The following MBOAT1 variants were observed in gnomAD, a reference collection of about 807,000 sequenced individuals.
MBOAT1 encodes membrane bound glycerophospholipid O-acyltransferase 1, also known as membrane-bound glycerophospholipid O-acyltransferase 1.
Under a neutral mutation model 64.4 loss-of-function variants are expected in MBOAT1, and 67 were observed. That is an observed-to-expected ratio of 1.04 (90% CI 0.85 to 1.27). The LOEUF (loss-of-function observed/expected upper bound fraction) is 1.27, where lower values mean the gene tolerates loss of function less well. Ranked by LOEUF, MBOAT1 falls within the 50% of genes most tolerant of loss-of-function variation. The pLI is 0.00. For missense variants in MBOAT1, 563 were observed against 604.6 expected, an observed-to-expected ratio of 0.93 and a Z score of 0.72; for synonymous variants, 229 against 218.9, an observed-to-expected ratio of 1.05 and a Z score of -0.41.
At chr6:20,169,881 T>C (rs1762140171) in intron 1 of MBOAT1, among the ~76,000 whole-genome samples, 1 of 152,190 alleles carries the variant, frequency 6.6e-6, no homozygotes, top group African/African-American at 2.4e-5. Flanking sequence ...CTTTGTGCCA[T>C]AAATGGCAAC....
At chr6:20,163,924 G>A (rs374499677) in intron 1 of MBOAT1, among the ~76,000 whole-genome samples, 1 of 152,086 alleles carries the variant, frequency 6.6e-6, no homozygotes, top group East Asian at 1.9e-4. Flanking sequence ...GAATAAGGAG[G>A]TGGAATGTTA....
intron 1 of MBOAT1, among the ~76,000 whole-genome samples, chr6:20,193,347 C>A (rs1762862982): frequency 6.6e-6 from 1 of 152,022 alleles, no homozygotes; most frequent in Non-Finnish European, 1.5e-5. Flanking sequence ...ATTCTTCTGG[C>A]TTAAACAAGA....
At chr6:20,169,780 A>T (rs1046984542) in intron 1 of MBOAT1, among the ~76,000 whole-genome samples, 1 of 152,284 alleles carries the variant, frequency 6.6e-6, no homozygotes, top group African/African-American at 2.4e-5. Context: ...CCATCTCTTG[A>T]TAATTATAGG....
At chr6:20,118,351 G>T in intron 9 of MBOAT1, 86 bp downstream of exon 9, 1 of 1,075,814 alleles carries the variant, frequency 9.3e-7, no homozygotes. Context: ...TTGGACACAT[G>T]GATGAAGCAT....
At chr6:20,111,849 T>TATATATATAC (rs1381599355) in intron 11 of MBOAT1, among the ~76,000 whole-genome samples, 3 of 80,226 alleles carry the variant, frequency 3.7e-5, no homozygotes, top group East Asian at 3.9e-4. Flanking sequence ...TATATATACA[T>TATATATATAC]ATATATATAC....
chr6:20,151,817 C>G (rs923701102), intron 2 of MBOAT1, among the ~76,000 whole-genome samples: 4 of 152,198 alleles, frequency 2.6e-5, no homozygotes, highest in African/African-American at 9.6e-5. Flanking sequence ...GACCAGCTTT[C>G]TCTGTTAAAG....
At chr6:20,144,041 G>A (rs964898074) in intron 4 of MBOAT1, among the ~76,000 whole-genome samples, 179 bp downstream of exon 4, 1 of 152,184 alleles carries the variant, frequency 6.6e-6, no homozygotes, top group African/African-American at 2.4e-5. Context: ...TTACAGCATA[G>A]CAGAGCTAAC....
intron 8 of MBOAT1, among the ~76,000 whole-genome samples, chr6:20,120,824 T>C (rs75937973): frequency 0.012 from 1,886 of 152,246 alleles, 41 homozygotes; most frequent in African/African-American, 0.041. Context: ...TGAGCCGATA[T>C]CGGAATCCCC....
At chr6:20,198,267 A>C (rs541386387) in intron 1 of MBOAT1, among the ~76,000 whole-genome samples, 34 of 152,128 alleles carry the variant, frequency 2.2e-4, no homozygotes, top group African/African-American at 7.9e-4. Context: ...AGAAAAGAAA[A>C]AATCACCTAA....
intron 8 of MBOAT1, 87 bp from the exon 9 acceptor site, chr6:20,118,627 A>C: frequency 9.4e-7 from 1 of 1,065,582 alleles, no homozygotes; most frequent in Non-Finnish European, 1.4e-6. Flanking sequence ...TCTAGCTTCA[A>C]GATGGAGAAA....
At chr6:20,185,199 A>C (rs1024307980) in intron 1 of MBOAT1, among the ~76,000 whole-genome samples, 1 of 152,096 alleles carries the variant, frequency 6.6e-6, no homozygotes, top group Non-Finnish European at 1.5e-5. Flanking sequence ...ACAGTGAGCT[A>C]TGATCACACC....
Position 20,117,430 on chromosome 6 carries a change from A to G in MBOAT1, c.1011+1007T>C, listed in dbSNP as rs893342641. 5.9e-5 allele frequency among the ~76,000 whole-genome samples: 9 copies of G among 152,158 alleles called. 1 individual carries two copies. The highest frequency in any genetic ancestry group is 1.2e-4 in the Non-Finnish European group (8 of 68,028). On this transcript the variant is annotated intron_variant, in intron 9 of 12. Coordinates refer to ENST00000324607, the MANE Select transcript of MBOAT1 (RefSeq NM_001080480.3). ...TGCCTTTTGAAGTAGTGCTGTCTCA[A>G]TGCTAAAAAAAAAAGTGAAAATATA...
intron 2 of MBOAT1, among the ~76,000 whole-genome samples, chr6:20,152,169 CA>C (rs1257299432): frequency 6.6e-6 from 1 of 150,886 alleles, no homozygotes; most frequent in Non-Finnish European, 1.5e-5. Flanking sequence ...AAAAAAAATA[CA>C]AAAAAAATTA....
At chr6:20,152,188 A>G (rs947752873) in intron 2 of MBOAT1, among the ~76,000 whole-genome samples, 6 of 151,964 alleles carry the variant, frequency 3.9e-5, no homozygotes, top group South Asian at 2.1e-4. Context: ...TTACCTGGGC[A>G]TGGTGATGTG....
chr6:20,141,359 C>CTTTTTTTTTTTTTTTTTTTTTTTTTTT (rs755615744), intron 4 of MBOAT1, among the ~76,000 whole-genome samples: 3 of 99,810 alleles, frequency 3.0e-5, no homozygotes, highest in Admixed American at 2.3e-4. Context: ...TTTTCTTTTT[C>CTTTTTTTTTTTTTTTTTTTTTTTTTTT]TTTTTTTTTT....
At chr6:20,166,783 T>A (rs1221581467) in intron 1 of MBOAT1, among the ~76,000 whole-genome samples, 2 of 151,728 alleles carry the variant, frequency 1.3e-5, no homozygotes, top group Non-Finnish European at 2.9e-5. Flanking sequence ...ATGAAAAATT[T>A]AAAAAATTAC....
intron 1 of MBOAT1, among the ~76,000 whole-genome samples, chr6:20,184,746 TTA>T (rs1184389563): frequency 6.6e-6 from 1 of 151,992 alleles, no homozygotes; most frequent in African/African-American, 2.4e-5. Flanking sequence ...TCTCCCCCTT[TTA>T]GGAAAGCTTC....
chr6:20,205,376 C>T (rs1763232998), intron 1 of MBOAT1, among the ~76,000 whole-genome samples: 1 of 152,196 alleles, frequency 6.6e-6, no homozygotes, highest in Non-Finnish European at 1.5e-5. Context: ...TTAAGCCAGA[C>T]AGGTAAACTG....
intron 10 of MBOAT1, 49 bp downstream of exon 10, chr6:20,115,239 G>A (rs1760284403): frequency 1.4e-6 from 2 of 1,415,278 alleles, no homozygotes; most frequent in Admixed American, 1.7e-5. Flanking sequence ...ACTCCCCTCT[G>A]AACATATCCC....
Sources: gnomAD v4.1 joint callset for allele counts (sites outside exome capture counted in the v4.1 genomes callset) on GRCh38, gnomAD v4.1.1 for gene constraint, MANE v1.5 for transcripts, NCBI Gene and HGNC (gene_info 2026-07-23, HGNC 2026-07-21) for gene names.